Variants in DLC1 observed in about 807,000 individuals in gnomAD.
The protein encoded by DLC1 is rho GTPase-activating protein 7.
Under a neutral mutation model 140.3 loss-of-function variants are expected in DLC1, and 54 were observed. The observed-to-expected ratio is 0.38, with a 90% CI of 0.31 to 0.48. The LOEUF is 0.48. Ranked by LOEUF, DLC1 falls within the 20% of genes least tolerant of loss-of-function variation. The pLI is 0.96. For synonymous variants in DLC1, 986 were observed against 728.1 expected (o/e 1.35, Z -5.70); for missense variants, 2,536 against 1,907.0 (o/e 1.33, Z -6.14).
At chr8:13,421,436 G>A (rs775488772) in intron 2 of DLC1, among the ~76,000 whole-genome samples, 6 of 152,088 alleles carry the variant, frequency 3.9e-5, no homozygotes, top group South Asian at 2.1e-4. Context: ...GCATATATCT[G>A]GCAATCTCTA....
chr8:13,567,014 C>G, intron 1 of DLC1: 1 of 1,550,004 alleles, frequency 6.5e-7, no homozygotes, highest in Admixed American at 2.0e-5. Flanking sequence ...CCAGAATTGG[C>G]CCAAACGGAC....
At chr8:13,244,864 C>G (rs1000418575) in intron 5 of DLC1, among the ~76,000 whole-genome samples, 3 of 152,178 alleles carry the variant, frequency 2.0e-5, no homozygotes, top group Non-Finnish European at 4.4e-5. Context: ...CCTCTCACAC[C>G]TCTTCACTCA....
chr8:13,595,627 T>C (rs1805657765), intron 1 of DLC1, among the ~76,000 whole-genome samples: 1 of 152,004 alleles, frequency 6.6e-6, no homozygotes, highest in South Asian at 2.1e-4. Context: ...CGACTCTTAT[T>C]GAGTCTGGGT....
At chr8:13,217,807 C>A (rs111515629) in intron 5 of DLC1, among the ~76,000 whole-genome samples, 1 of 151,218 alleles carries the variant, frequency 6.6e-6, no homozygotes, top group African/African-American at 2.4e-5. Flanking sequence ...CACTGCACGC[C>A]GGCCTGAGTG....
intron 4 of DLC1, among the ~76,000 whole-genome samples, chr8:13,326,125 A>G (rs1214483439): frequency 4.6e-5 from 7 of 152,236 alleles, no homozygotes; most frequent in African/African-American, 1.4e-4. Context: ...TAATGATGCA[A>G]TTCTCAGACA....
At position 13,259,343 on chromosome 8, in the gene DLC1, T is replaced by C. The variant is rs74509364; in HGVS notation, c.1348+45926A>G. Among the ~76,000 whole-genome samples, 1,476 of 152,130 alleles carry C rather than the reference T, an allele frequency of 9.7e-3. 34 individuals carry two copies. The highest frequency in any genetic ancestry group is 0.034 in the African/African-American group (1,426 of 41,466). On this transcript the variant is annotated intron_variant, in intron 5 of 17. Coordinates refer to ENST00000276297, the MANE Select transcript of DLC1 (RefSeq NM_182643.3). ...TGTGAATCATAATGAACCACAGTGA[T>C]TTGAATTTTAATCACTTAAAATTTT...
chr8:13,346,337 AT>A (rs1476466230), intron 4 of DLC1, among the ~76,000 whole-genome samples: 1 of 152,216 alleles, frequency 6.6e-6, no homozygotes, highest in Non-Finnish European at 1.5e-5. Context: ...AGGGAAAAAC[AT>A]TTGTTCATAA....
At chr8:13,367,692 A>G (rs1165425575) in intron 4 of DLC1, among the ~76,000 whole-genome samples, 1 of 152,186 alleles carries the variant, frequency 6.6e-6, no homozygotes, top group East Asian at 1.9e-4. Context: ...TCTGTAGTAG[A>G]AGTGAAGTAC....
intron 1 of DLC1, among the ~76,000 whole-genome samples, chr8:13,566,679 G>A (rs1334136284): frequency 6.6e-6 from 1 of 152,232 alleles, no homozygotes; most frequent in Non-Finnish European, 1.5e-5. Context: ...TTTTCCCGTT[G>A]ACTACTCGAC....
At chr8:13,231,918 T>C (rs760437582) in intron 5 of DLC1, among the ~76,000 whole-genome samples, 1 of 152,204 alleles carries the variant, frequency 6.6e-6, no homozygotes, top group Non-Finnish European at 1.5e-5. Flanking sequence ...TGTGTCCAGC[T>C]GTTGGGGTCG....
chr8:13,454,318 T>TTG (rs1281699085), intron 2 of DLC1, among the ~76,000 whole-genome samples: 2 of 152,120 alleles, frequency 1.3e-5, no homozygotes, highest in Non-Finnish European at 2.9e-5. Flanking sequence ...ATTTTCTTGG[T>TTG]TGAAACATCT....
At chr8:13,404,287 T>A (rs921507533) in intron 2 of DLC1, among the ~76,000 whole-genome samples, 3 of 152,208 alleles carry the variant, frequency 2.0e-5, no homozygotes, top group Admixed American at 1.3e-4. Context: ...ATTTGTGGAT[T>A]TCCGTGGTGT....
Position 13,408,524 on chromosome 8 carries a change from A to G in DLC1, c.1024-6905T>C, listed in dbSNP as rs75793450. 4.4e-4 allele frequency among the ~76,000 whole-genome samples: 67 copies of G among 152,338 alleles called. 1 individual carries two copies. In the East Asian group the frequency reaches 0.012, roughly 28 times the overall value. ...ACAGTTTCCTGAGTAGTTTCAAAGGATATTGATACAGCTCGTCCTGAGAAG... is the reference window on the plus strand; with the variant it reads ...ACAGTTTCCTGAGTAGTTTCAAAGGGTATTGATACAGCTCGTCCTGAGAAG... On this transcript the variant is annotated intron_variant, in intron 2 of 17. Coordinates refer to ENST00000276297, the MANE Select transcript of DLC1 (RefSeq NM_182643.3).
At chr8:13,416,503 G>GT (rs1838066710) in intron 2 of DLC1, among the ~76,000 whole-genome samples, 2 of 152,126 alleles carry the variant, frequency 1.3e-5, no homozygotes, top group Non-Finnish European at 2.9e-5. Context: ...ATTCAGGATG[G>GT]TGGTTACCTA....
At chr8:13,396,439 A>G (rs1264514886) in intron 3 of DLC1, among the ~76,000 whole-genome samples, 2 of 152,188 alleles carry the variant, frequency 1.3e-5, no homozygotes, top group Non-Finnish European at 2.9e-5. Flanking sequence ...AATGCTTCCA[A>G]GGTGAAATAA....
At position 13,088,704 on chromosome 8, in the gene DLC1, C is replaced by A. The variant is rs778306966; in HGVS notation, c.4075G>T (p.Val1359Leu). 1 of 1,613,788 alleles carries A rather than the reference C, an allele frequency of 6.2e-7. No individual in the cohort carries two copies. Among genetic ancestry groups the A allele is most frequent in the South Asian group, 1.1e-5 (1 of 91,032 alleles). The change falls in exon 16 of 18, where the codon GTG becomes TTG. Residue 1359 changes from valine to leucine, a missense_variant and splice_region_variant. Physicochemically the swap from Val to Leu is conservative, Grantham distance 32. Transcript: ENST00000276297. ...AGCCTCAGAGGGGGTCCTTCGCTCA[C>A]CTGGAAAGAGGATGTATTTTTCAGT... ...SEQAELSYKK[V>L]SEGPPLRLWR...
intron 2 of DLC1, among the ~76,000 whole-genome samples, chr8:13,469,664 TTAAGA>T (rs1464144085): frequency 1.1e-4 from 17 of 152,214 alleles, no homozygotes; most frequent in African/African-American, 3.9e-4. Flanking sequence ...TGTTTGAAGG[TTAAGA>T]TAAGCATAAA....
chr8:13,324,335 G>T (rs1373248185), intron 4 of DLC1, among the ~76,000 whole-genome samples: 1 of 152,128 alleles, frequency 6.6e-6, no homozygotes, highest in African/African-American at 2.4e-5. Context: ...TTGGGAGGCC[G>T]AGGCGGATGG....
At chr8:13,538,442 G>A (rs961277522) in intron 1 of DLC1, among the ~76,000 whole-genome samples, 3 of 152,034 alleles carry the variant, frequency 2.0e-5, no homozygotes, top group African/African-American at 7.2e-5. Flanking sequence ...GTCAACAACA[G>A]CTGTGCGCTC....
Sources: gnomAD v4.1 joint callset for allele counts (sites outside exome capture counted in the v4.1 genomes callset) on GRCh38, gnomAD v4.1.1 for gene constraint, MANE v1.5 for transcripts, NCBI Gene and HGNC (gene_info 2026-07-23, HGNC 2026-07-21) for gene names.